STAG3: variants seen among roughly 807,000 people sequenced by gnomAD.
STAG3 encodes the protein cohesin subunit SA-3.
STAG3 carries 101 observed loss-of-function variants against 160.7 expected under a neutral mutation model. That is an observed-to-expected ratio of 0.63 (90% CI 0.54 to 0.74). The LOEUF is 0.74. Among genes scored for constraint, STAG3 ranks in the 30% least tolerant of loss-of-function variants. The pLI is 0.00. For missense variants in STAG3, 1,188 were observed against 1,517.4 expected (o/e 0.78, Z 3.61); for synonymous variants, 519 against 585.0 (o/e 0.89, Z 1.63).
At chr7:100,203,257 T>C (rs1187555732) in intron 25 of STAG3, among the ~76,000 whole-genome samples, 1 of 151,422 alleles carries the variant, frequency 6.6e-6, no homozygotes, top group Non-Finnish European at 1.5e-5. Context: ...CTATCTCGGC[T>C]CACTGCAACC....
At chr7:100,201,510 A>G in intron 21 of STAG3, 159 bp downstream of exon 21, 1 of 660,344 alleles carries the variant, frequency 1.5e-6, no homozygotes, top group Non-Finnish European at 2.6e-6. Flanking sequence ...CCTCTCTTAG[A>G]AGGTGGACTC....
intron 25 of STAG3, among the ~76,000 whole-genome samples, chr7:100,203,276 C>G (rs779925028): frequency 8.6e-5 from 13 of 151,922 alleles, no homozygotes; most frequent in Admixed American, 3.3e-4. Context: ...CCTCTGCCTC[C>G]CGGGGTTCAA....
chr7:100,187,906 G>A (rs1416809731), intron 5 of STAG3, among the ~76,000 whole-genome samples: 5 of 151,900 alleles, frequency 3.3e-5, no homozygotes, highest in African/African-American at 1.2e-4. Flanking sequence ...ACAGGCACCC[G>A]CCACTATGCC....
Position 100,211,133 on chromosome 7 carries a change from G to T in STAG3, c.3361G>T (p.Gly1121Trp). 19 of 1,607,058 alleles carry T rather than the reference G, an allele frequency of 1.2e-5. No homozygotes were observed. The highest frequency in any genetic ancestry group is 1.6e-5 in the Non-Finnish European group (19 of 1,177,048). ...TGTGAAGAGCAGGCAGCCCCTGTGG[G>T]GGTTGAAAGAGATGGAGGAAGAAGA... Reference protein sequence around the residue: ...TAVKSRQPLWGLKEMEEEDGS... With the variant: ...TAVKSRQPLWWLKEMEEEDGS... The change falls in exon 30 of 34, where the codon GGG becomes TGG. Residue 1121 changes from glycine (G) to tryptophan (W), a missense_variant. By Grantham distance (184) the Gly-to-Trp change is radical. Transcript: ENST00000615138.
intron 6 of STAG3, 47 bp downstream of exon 6, chr7:100,188,576 A>G: frequency 7.2e-7 from 1 of 1,388,224 alleles, no homozygotes; most frequent in Non-Finnish European, 1.0e-6. Context: ...ATTTCAAAAC[A>G]CAATGCCTAT....
chr7:100,201,822 A>G lies in STAG3; in HGVS notation c.2257A>G (p.Ile753Val), dbSNP rs200161836. The G allele has an allele frequency of 3.4e-5, 55 of 1,613,902 alleles. No homozygotes were observed. In the East Asian group the frequency reaches 1.0e-3, roughly 31 times the overall value. ...AGCCTTGACTCTTGTCTATTTTTCC[A>G]TTCTCTGGACACTAACCCACATTTC... ...LPALTLVYFS[I>V]LWTLTHISKS... is the part of the protein sequence containing the mutation. Residue 753 changes from isoleucine (I) to valine (V), a missense_variant, in exon 22 of 34, where the codon ATT becomes GTT. Physicochemically the swap from Ile to Val is conservative, Grantham distance 29. Coordinates refer to ENST00000615138, the MANE Select transcript of STAG3 (RefSeq NM_001282717.2).
chr7:100,179,363 C>G lies in STAG3; in HGVS notation c.-64-1130C>G, dbSNP rs192664223. 1.7e-4 allele frequency among the ~76,000 whole-genome samples: 26 copies of G among 151,120 alleles called. No homozygotes were observed. The East Asian group carries it at 4.9e-3, about 28-fold the overall frequency. On this transcript the variant is annotated intron_variant, in intron 1 of 33. Transcript: ENST00000615138. ...TCAGCCTCCTGAGTAGCTGGGACCA[C>G]AGGTGTGCGCAACAACACCTAGCTA...
chr7:100,202,747 C>A, intron 25 of STAG3, 157 bp downstream of exon 25: 2 of 903,588 alleles, frequency 2.2e-6, no homozygotes, highest in South Asian at 2.4e-5. Flanking sequence ...AATAAGGGGA[C>A]AAAGAAAAGA....
rs1485788817 is a variant in STAG3 at position 100,213,788 on chromosome 7, T to C, written c.3654T>C (p.Ser1218=). The change falls in exon 33 of 34, where the codon TCT becomes TCC. Residue 1218 remains serine (S), a synonymous_variant. Transcript: ENST00000615138. The part of the protein sequence containing the change: ...TSERGLDLLD[S]TELDIEDF ...AGCGCGGGCTGGACCTCTTAGATTC[T>C]ACAGAGCTGGATATTGAGGTGAGTG... The C allele has an allele frequency of 6.2e-7, 1 of 1,614,234 alleles. No homozygotes were observed. The highest frequency in any genetic ancestry group is 8.5e-7 in the Non-Finnish European group (1 of 1,180,044).
chr7:100,216,908 G>A (rs902483234), downstream of STAG3, among the ~76,000 whole-genome samples: 2 of 152,118 alleles, frequency 1.3e-5, no homozygotes, highest in Admixed American at 6.6e-5. Context: ...ATCCAAACCC[G>A]CTGAAAATCT....
intron 25 of STAG3, 148 bp from the exon 26 acceptor site, chr7:100,203,873 T>C (rs759941057): frequency 8.8e-6 from 5 of 566,890 alleles, no homozygotes; most frequent in African/African-American, 1.9e-5. Flanking sequence ...TGATTAGAGA[T>C]GAAGTCTAGT....
intron 29 of STAG3, among the ~76,000 whole-genome samples, chr7:100,210,080 G>A (rs1308354813): frequency 6.6e-6 from 1 of 152,196 alleles, no homozygotes; most frequent in African/African-American, 2.4e-5. Context: ...AGCCAGTGAA[G>A]ATGGAGAAGA....
At chr7:100,201,685 C>G in intron 21 of STAG3, 101 bp from the exon 22 acceptor site, 2 of 990,844 alleles carry the variant, frequency 2.0e-6, no homozygotes, top group South Asian at 2.7e-5. Flanking sequence ...AATTAGCTCT[C>G]CCTTTACTCA....
intron 32 of STAG3, chr7:100,213,287 G>C: frequency 2.0e-6 from 2 of 982,900 alleles, no homozygotes; most frequent in African/African-American, 3.5e-5. Flanking sequence ...TGTGGGTTTA[G>C]GGGGACACAG....
Position 100,182,416 on chromosome 7 carries a change from G to A in STAG3, c.219+224G>A, listed in dbSNP as rs182967242. ...GGTTCAGGTGATACGGTTCATAAAA[G>A]GACAAGATTTACAAAGTATTAAGGG... On this transcript the variant is annotated intron_variant, in intron 3 of 33. Transcript: ENST00000615138. Among the ~76,000 whole-genome samples, 482 of 151,912 alleles carry A rather than the reference G, an allele frequency of 3.2e-3. 4 individuals are homozygous for A. Among genetic ancestry groups the A allele is most frequent in the African/African-American group, 0.011 (454 of 41,462 alleles).
rs577307892 is a variant in STAG3, at chr7:100,183,167, C to G, written c.336+328C>G. ...TAGCTGGGATTACAGGCGTGTGCCA[C>G]CACGCCCAGCTACTTTTTGTATTTT... On this transcript the variant is annotated intron_variant, in intron 4 of 33. Coordinates refer to ENST00000615138, the MANE Select transcript of STAG3 (RefSeq NM_001282717.2). Among the ~76,000 whole-genome samples the G allele has an allele frequency of 2.6e-5, 4 of 152,308 alleles. No individual in the cohort carries two copies. The East Asian group carries it at 7.7e-4, about 29-fold the overall frequency.
chr7:100,179,100 A>G (rs1459922910), intron 1 of STAG3, among the ~76,000 whole-genome samples: 2 of 150,484 alleles, frequency 1.3e-5, no homozygotes, highest in African/African-American at 4.9e-5. Flanking sequence ...TCAGCTGCTC[A>G]AAGTGCTGGG....
chr7:100,211,742 CAG>C (rs1802230933), intron 31 of STAG3, 51 bp from the exon 32 acceptor site: 2 of 1,590,136 alleles, frequency 1.3e-6, no homozygotes, highest in Non-Finnish European at 1.7e-6. Context: ...GAGAAACTCT[CAG>C]GGGTCCTCAA....
intron 4 of STAG3, among the ~76,000 whole-genome samples, chr7:100,184,711 C>T (rs547381009): frequency 1.3e-4 from 20 of 152,196 alleles, no homozygotes; most frequent in African/African-American, 3.4e-4. Flanking sequence ...CGTGATCCGC[C>T]GGCCTCGGCC....
Sources: gnomAD v4.1 joint callset for allele counts (sites outside exome capture counted in the v4.1 genomes callset) on GRCh38, gnomAD v4.1.1 for gene constraint, MANE v1.5 for transcripts, NCBI Gene and HGNC (gene_info 2026-07-23, HGNC 2026-07-21) for gene names.